APOBEC3B: variants seen among roughly 807,000 people sequenced by gnomAD.
APOBEC3B encodes the protein apolipoprotein B mRNA editing enzyme catalytic subunit 3B.
Under a neutral mutation model 53.4 loss-of-function variants are expected in APOBEC3B, and 29 were observed. The observed-to-expected ratio is 0.54, with a 90% CI of 0.40 to 0.74. The LOEUF (loss-of-function observed/expected upper bound fraction) is 0.74, where lower values mean the gene tolerates loss of function less well. APOBEC3B is among the 30% of genes least tolerant of loss of function. APOBEC3B has a pLI of 0.00. For missense variants in APOBEC3B, 347 were observed against 496.2 expected (o/e 0.70, Z 2.86); for synonymous variants, 132 against 184.8 (o/e 0.71, Z 2.32).
At chr22:38,983,342 G>C (rs1336169380) in intron 1 of APOBEC3B, among the ~76,000 whole-genome samples, 1 of 148,168 alleles carries the variant, frequency 6.7e-6, no homozygotes, top group Non-Finnish European at 1.5e-5. Flanking sequence ...AACATGATCA[G>C]TAACATGGAA....
chr22:38,986,290 C>T lies in APOBEC3B; in HGVS notation c.455-8C>T, dbSNP rs1288338655. 1.9e-6 allele frequency: 3 copies of T among 1,592,500 alleles called. 1 individual carries two copies. Among genetic ancestry groups the T allele is most frequent in the African/African-American group, 1.3e-5 (1 of 74,338 alleles). On this transcript the variant is annotated splice_polypyrimidine_tract_variant and splice_region_variant and intron_variant, in intron 3 of 7. Coordinates refer to ENST00000333467, the MANE Select transcript of APOBEC3B (RefSeq NM_004900.5). The stretch of plus-strand genomic sequence containing the variant: ...AGAGCCTGACTGCTTCCCGCTTCTT[C>T]ATCTCAGAATTTGCATACTGCTGGG...
In APOBEC3B at chr22:38,989,616, C is replaced by G; in HGVS notation, c.723+6C>G. The G allele has an allele frequency of 6.4e-7, 1 of 1,561,038 alleles. No individual in the cohort carries two copies. Among genetic ancestry groups the G allele is most frequent in the South Asian group, 1.2e-5 (1 of 85,872 alleles). Reference sequence around the variant, plus strand: ...TGGGCTTTCTATGCAACGAGGTGACCGACCCAGCCACCTGCATCCAGGCAG... The same window carrying G: ...TGGGCTTTCTATGCAACGAGGTGACGGACCCAGCCACCTGCATCCAGGCAG... On this transcript the variant is annotated splice_donor_region_variant and intron_variant, in intron 5 of 7. Transcript: ENST00000333467.
intron 4 of APOBEC3B, 22 bp from the exon 5 acceptor site, chr22:38,989,434 GT>G (rs1923898930): frequency 6.5e-7 from 1 of 1,547,406 alleles, no homozygotes; most frequent in Non-Finnish European, 8.8e-7. Context: ...AGGGCTTTTG[GT>G]TTCCCCTGTC....
chr22:38,982,569 C>A lies in APOBEC3B; in HGVS notation c.17+99C>A, dbSNP rs1923576254. ...TGGCCTCCCCCCGCCCCTGCCCCAG[C>A]CCTGGGCTCCCTCCCCTCTGGCTCC... is the stretch of plus-strand genomic sequence containing the variant. On this transcript the variant is annotated intron_variant, in intron 1 of 7. Coordinates refer to ENST00000333467, the MANE Select transcript of APOBEC3B (RefSeq NM_004900.5). The A allele has an allele frequency of 1.9e-5, 27 of 1,411,870 alleles. 3 individuals carry two copies. The highest frequency in any genetic ancestry group is 2.4e-5 in the Non-Finnish European group (25 of 1,023,658). The allele number at this position is 1,411,870 out of a possible 1,614,324, so 87.5% of individuals were successfully genotyped here. A position where few individuals can be genotyped will look rare whatever the true frequency, so the allele number is the denominator to read the frequency against.
intron 5 of APOBEC3B, among the ~76,000 whole-genome samples, chr22:38,990,797 C>A (rs1234218820): frequency 2.1e-5 from 3 of 145,734 alleles, no homozygotes; most frequent in Non-Finnish European, 3.0e-5. Context: ...CACTCAGGGG[C>A]ATCAGGCCAA....
intron 1 of APOBEC3B, among the ~76,000 whole-genome samples, chr22:38,983,500 G>A (rs1168613774): frequency 2.0e-5 from 3 of 148,484 alleles, no homozygotes; most frequent in Non-Finnish European, 4.5e-5. Flanking sequence ...AGGGGCCCCT[G>A]CTCCATCCGT....
chr22:38,990,070 G>C (rs1276112553), intron 5 of APOBEC3B, among the ~76,000 whole-genome samples: 1 of 75,682 alleles, frequency 1.3e-5, no homozygotes, highest in Non-Finnish European at 2.6e-5. Context: ...TGCAAAGATG[G>C]CCAGCAGTTG....
intron 4 of APOBEC3B, among the ~76,000 whole-genome samples, chr22:38,987,256 C>T (rs1472536414): frequency 6.7e-6 from 1 of 148,544 alleles, no homozygotes; most frequent in Non-Finnish European, 1.5e-5. Flanking sequence ...GGCCTCAGCC[C>T]TGGCCTCCCC....
rs1285515673 is a variant in APOBEC3B at position 38,984,198 on chromosome 22, T to G, written c.141T>G (p.Asn47Lys). 2 of 1,592,448 alleles carry G rather than the reference T, an allele frequency of 1.3e-6. 1 individual carries two copies. Among genetic ancestry groups the G allele is most frequent in the Admixed American group, 3.6e-5 (2 of 55,882 alleles). Residue 47 changes from asparagine (N) to lysine (K), a missense_variant, in exon 2 of 8, where the codon AAT becomes AAG. By Grantham distance (94) the Asn-to-Lys change is moderately conservative (BLOSUM62 0). Around this residue, in one of 5 missense-constraint regions of APOBEC3B, gnomAD observed 73 missense variants for 90.9 expected, o/e 0.80. Transcript: ENST00000333467. The part of the protein sequence containing the change: ...YEVKIKRGRS[N>K]LLWDTGVFRG... ...TGAAAATAAAGAGGGGCCGCTCAAA[T>G]CTCCTTTGGGACACAGGGGTCTTTC...
chr22:38,988,683 C>CTCTCTTTCTCTCCTTCTTTCTTTCTT (rs1555894372), intron 4 of APOBEC3B, among the ~76,000 whole-genome samples: 10 of 47,504 alleles, frequency 2.1e-4, no homozygotes, highest in African/African-American at 9.0e-4. Context: ...TTCTCTCTTT[C>CTCTCTTTCTCTCCTTCTTTCTTTCTT]TCTTTCTTTC....
Position 38,992,621 on chromosome 22 carries a change from T to C in APOBEC3B, c.*176T>C. The C allele has an allele frequency of 6.7e-7, 1 of 1,481,884 alleles. No individual in the cohort carries two copies. Among genetic ancestry groups the C allele is most frequent in the South Asian group, 1.4e-5 (1 of 73,960 alleles). The allele number at this position is 1,481,884 out of a possible 1,614,324, so 91.8% of individuals were successfully genotyped here. ...TTTTTAAAAATCAGAGTCAATTAAT[T>C]TTAATTGAAAATTTCTCTTATGTTC... is the stretch of plus-strand genomic sequence containing the variant. On this transcript the variant is annotated 3_prime_UTR_variant, in exon 8 of 8. Transcript: ENST00000333467.
chr22:38,992,600 TA>T lies in APOBEC3B; in HGVS notation c.*160del. On this transcript the variant is annotated 3_prime_UTR_variant, in exon 8 of 8. Coordinates refer to ENST00000333467, the MANE Select transcript of APOBEC3B (RefSeq NM_004900.5). ...TGTGCTCCTGATCAAGTAGATTTTT[TA>T]AAAATCAGAGTCAATTAATTTTAAT... The T allele has an allele frequency of 6.5e-7, 1 of 1,539,392 alleles. No homozygotes were observed. The highest frequency in any genetic ancestry group is 8.8e-7 in the Non-Finnish European group (1 of 1,140,502).
rs529159736 is a variant in APOBEC3B at position 38,987,119 on chromosome 22, C to G, written c.569+707C>G. Among the ~76,000 whole-genome samples the G allele has an allele frequency of 5.4e-5, 8 of 148,870 alleles. 1 individual carries two copies. The highest frequency in any genetic ancestry group is 4.5e-5 in the Non-Finnish European group (3 of 67,334). On this transcript the variant is annotated intron_variant, in intron 4 of 7. Transcript: ENST00000333467. The stretch of plus-strand genomic sequence containing the variant: ...CTGGAAGATAGAAATAGAATCCAAA[C>G]CCAGGACTAACATCAGGGCCAAGAC...
intron 4 of APOBEC3B, among the ~76,000 whole-genome samples, chr22:38,988,623 T>TCCTTCCTTCCTC (rs1267326924): frequency 2.5e-4 from 37 of 145,686 alleles, no homozygotes; most frequent in Non-Finnish European, 5.1e-4. Context: ...AGAGATTCCT[T>TCCTTCCTTCCTC]CCTTCCTTCC....
At position 38,992,083 on chromosome 22, in the gene APOBEC3B, C is replaced by G. The variant is rs373544665; in HGVS notation, c.1068C>G (p.Phe356Leu). 18 of 1,592,054 alleles carry G rather than the reference C, an allele frequency of 1.1e-5. 1 individual carries two copies. The highest frequency in any genetic ancestry group is 1.4e-5 in the Non-Finnish European group (16 of 1,172,084). ...TTGTGTACCGCCAGGGATGTCCCTTCCAGCCCTGGGATGGACTAGAGGAGC... is the reference window on the plus strand; with the variant it reads ...TTGTGTACCGCCAGGGATGTCCCTTGCAGCCCTGGGATGGACTAGAGGAGC... ...DTFVYRQGCP[F>L]QPWDGLEEHS... The change falls in exon 7 of 8, where the codon TTC becomes TTG. Residue 356 changes from phenylalanine (F) to leucine (L), a missense_variant. Phe to Leu is a conservative substitution (Grantham distance 22). Coordinates refer to ENST00000333467, the MANE Select transcript of APOBEC3B (RefSeq NM_004900.5).
chr22:38,988,574 C>A lies in APOBEC3B; in HGVS notation c.570-883C>A, dbSNP rs1382721894. Among the ~76,000 whole-genome samples the A allele has an allele frequency of 7.5e-5, 11 of 147,602 alleles. 1 individual carries two copies. The Admixed American group carries it at 7.7e-4, about 10-fold the overall frequency. Reference sequence around the variant, plus strand: ...ACACAAAGCAAGTGAGTGGTAGAGCCCAGATTCATACCCAGGTCTACTAGA... The same window carrying A: ...ACACAAAGCAAGTGAGTGGTAGAGCACAGATTCATACCCAGGTCTACTAGA... On this transcript the variant is annotated intron_variant, in intron 4 of 7. Coordinates refer to ENST00000333467, the MANE Select transcript of APOBEC3B (RefSeq NM_004900.5).
Position 38,983,541 on chromosome 22 carries a change from C to T in APOBEC3B, c.18-534C>T, listed in dbSNP as rs968116044. Among the ~76,000 whole-genome samples the T allele has an allele frequency of 1.9e-4, 28 of 148,652 alleles. 5 individuals carry two copies. The highest frequency in any genetic ancestry group is 6.8e-4 in the East Asian group (3 of 4,408). The stretch of plus-strand genomic sequence containing the variant: ...GCTCTGTGGCCTCGGCAGGTTACCC[C>T]GCCTCTCTGTGCCTCTGGCATCTCC... On this transcript the variant is annotated intron_variant, in intron 1 of 7. Coordinates refer to ENST00000333467, the MANE Select transcript of APOBEC3B (RefSeq NM_004900.5).
rs143493406 is a variant in APOBEC3B, at chr22:38,985,424, C to T, written c.175-388C>T. ...CTCCAGACAGAGTGGCCTGGGATGT[C>T]GAGTCACAGCTGCTCCATGCCACGG... On this transcript the variant is annotated intron_variant, in intron 2 of 7. Coordinates refer to ENST00000333467, the MANE Select transcript of APOBEC3B (RefSeq NM_004900.5). 4.1e-3 allele frequency among the ~76,000 whole-genome samples: 603 copies of T among 148,094 alleles called. 42 individuals carry two copies. The highest frequency in any genetic ancestry group is 8.9e-3 in the African/African-American group (363 of 40,808).
At chr22:38,988,683 C>CTCTCTCTT (rs1555894372) in intron 4 of APOBEC3B, among the ~76,000 whole-genome samples, 1 of 47,512 alleles carries the variant, frequency 2.1e-5, no homozygotes. Flanking sequence ...TTCTCTCTTT[C>CTCTCTCTT]TCTTTCTTTC....
Sources: gnomAD v4.1 joint callset for allele counts (sites outside exome capture counted in the v4.1 genomes callset) on GRCh38, gnomAD v4.1.1 for gene constraint, gnomAD v4.1.1 regional missense constraint, MANE v1.5 for transcripts, NCBI Gene and HGNC (gene_info 2026-07-23, HGNC 2026-07-21) for gene names.